IGFBP4: variants seen among roughly 807,000 people sequenced by gnomAD.
IGFBP4 encodes insulin like growth factor binding protein 4, also known as insulin-like growth factor-binding protein 4.
IGFBP4 carries 9 observed loss-of-function variants against 25.8 expected under a neutral mutation model. The observed-to-expected ratio is 0.35, with a 90% CI of 0.21 to 0.61. The LOEUF is 0.61. IGFBP4 is among the 20% of genes least tolerant of loss of function. The pLI, the probability that IGFBP4 is intolerant of heterozygous loss-of-function variation, is 0.77. For missense variants in IGFBP4, 315 were observed against 365.3 expected, an observed-to-expected ratio of 0.86 and a Z score of 1.12; for synonymous variants, 153 against 153.9, an observed-to-expected ratio of 0.99 and a Z score of 0.05.
Position 40,452,966 on chromosome 17 carries a change from T to TA in IGFBP4, c.350-18dup. 6.7e-7 allele frequency: 1 copy of TA among 1,491,118 alleles called. No homozygotes were observed. Among genetic ancestry groups the TA allele is most frequent in the South Asian group, 1.3e-5 (1 of 74,302 alleles). 92.4% of individuals were successfully genotyped at this position (1,491,118 alleles called of 1,614,324 possible). A position where few individuals can be genotyped will look rare whatever the true frequency, so the allele number is the denominator to read the frequency against. ...ACCTCTTCCGGTGCTGACCTCTCCT[T>TA]ATCGCTACCTGAATACAGACAAGGA... is the stretch of plus-strand genomic sequence containing the variant. On this transcript the variant is annotated intron_variant, in intron 1 of 3. Coordinates refer to ENST00000269593, the MANE Select transcript of IGFBP4 (RefSeq NM_001552.3).
In IGFBP4 at chr17:40,445,937, G is replaced by C. The variant is rs202221039; in HGVS notation, c.349+1853G>C. On this transcript the variant is annotated intron_variant, in intron 1 of 3. Coordinates refer to ENST00000269593, the MANE Select transcript of IGFBP4 (RefSeq NM_001552.3). ...GTAGGAATACCTCATCCTCTGGTTG[G>C]GTAGGAATACTCCATCCTGTAGTGG... 6.6e-5 allele frequency among the ~76,000 whole-genome samples: 10 copies of C among 152,152 alleles called. 1 individual carries two copies. The East Asian group carries it at 1.7e-3, about 26-fold the overall frequency.
chr17:40,454,131 A>G (rs1191099714), intron 3 of IGFBP4, 69 bp downstream of exon 3: 5 of 1,519,638 alleles, frequency 3.3e-6, no homozygotes, highest in Non-Finnish European at 4.4e-6. Flanking sequence ...TCTCCGCAGG[A>G]TGGTCCTGGA....
Position 40,456,679 on chromosome 17 carries a change from G to T in IGFBP4, c.*96G>T, listed in dbSNP as rs2035716552. 7.8e-7 allele frequency: 1 copy of T among 1,273,982 alleles called. No individual in the cohort carries two copies. The highest frequency in any genetic ancestry group is 1.1e-6 in the Non-Finnish European group (1 of 918,238). The allele number at this position is 1,273,982 out of a possible 1,614,324, so 78.9% of individuals were successfully genotyped here. Reference sequence around the variant, plus strand: ...AGAGTGGAGTCTGAGTCTGAGTCCTGTCTCTGCCTGCGGCCCAGAAGTTTC... The same window carrying T: ...AGAGTGGAGTCTGAGTCTGAGTCCTTTCTCTGCCTGCGGCCCAGAAGTTTC... On this transcript the variant is annotated 3_prime_UTR_variant, in exon 4 of 4. Coordinates refer to ENST00000269593, the MANE Select transcript of IGFBP4 (RefSeq NM_001552.3).
intron 1 of IGFBP4, among the ~76,000 whole-genome samples, chr17:40,452,011 A>G (rs1246670462): frequency 6.6e-6 from 1 of 151,692 alleles, no homozygotes; most frequent in Non-Finnish European, 1.5e-5. Flanking sequence ...TTAATTTTTA[A>G]ATTTTTTGTG....
intron 1 of IGFBP4, among the ~76,000 whole-genome samples, chr17:40,445,152 C>G (rs1386233405): frequency 6.6e-6 from 1 of 152,130 alleles, no homozygotes; most frequent in African/African-American, 2.4e-5. Context: ...GTTCTGTTTT[C>G]CTCAGTGTCT....
chr17:40,454,655 C>T (rs1416764757), intron 3 of IGFBP4, among the ~76,000 whole-genome samples: 1 of 152,198 alleles, frequency 6.6e-6, no homozygotes, highest in Non-Finnish European at 1.5e-5. Context: ...GACACAAAGG[C>T]AGCAACTTCC....
chr17:40,451,483 C>G (rs968358325), intron 1 of IGFBP4, among the ~76,000 whole-genome samples: 1 of 151,984 alleles, frequency 6.6e-6, no homozygotes, highest in Non-Finnish European at 1.5e-5. Context: ...CCAACCCCCC[C>G]AGCTTTGGCT....
At chr17:40,445,280 C>T (rs2035638148) in intron 1 of IGFBP4, among the ~76,000 whole-genome samples, 1 of 152,094 alleles carries the variant, frequency 6.6e-6, no homozygotes, top group South Asian at 2.1e-4. Flanking sequence ...TTGGTCTTTC[C>T]CTGTTACTTT....
chr17:40,456,677 C>A lies in IGFBP4; in HGVS notation c.*94C>A. On this transcript the variant is annotated 3_prime_UTR_variant, in exon 4 of 4. Transcript: ENST00000269593. ...CCAGAGTGGAGTCTGAGTCTGAGTC[C>A]TGTCTCTGCCTGCGGCCCAGAAGTT... 1.6e-6 allele frequency: 2 copies of A among 1,275,994 alleles called. No individual in the cohort carries two copies. Among genetic ancestry groups the A allele is most frequent in the Non-Finnish European group, 2.2e-6 (2 of 920,200 alleles). The allele number at this position is 1,275,994 out of a possible 1,614,324, so 79.0% of individuals were successfully genotyped here. A position where few individuals can be genotyped will look rare whatever the true frequency, so the allele number is the denominator to read the frequency against.
At chr17:40,447,070 T>G (rs1021622078) in intron 1 of IGFBP4, among the ~76,000 whole-genome samples, 6 of 152,238 alleles carry the variant, frequency 3.9e-5, no homozygotes, top group African/African-American at 2.4e-5. Context: ...CGAGGGTACC[T>G]GTCTATTTTT....
In IGFBP4 at chr17:40,444,099, G is replaced by T; in HGVS notation, c.349+15G>T. ...GCAGCCCTCTGGTAAGGTACCCCTG[G>T]CCTCCCAATTCCCTCCTGAGTGCGC... On this transcript the variant is annotated intron_variant, in intron 1 of 3. Coordinates refer to ENST00000269593, the MANE Select transcript of IGFBP4 (RefSeq NM_001552.3). 6 of 1,522,178 alleles carry T rather than the reference G, an allele frequency of 3.9e-6. No individual in the cohort carries two copies. The highest frequency in any genetic ancestry group is 5.3e-6 in the Non-Finnish European group (6 of 1,134,828). 94.3% of individuals were successfully genotyped at this position (1,522,178 alleles called of 1,614,324 possible).
intron 1 of IGFBP4, among the ~76,000 whole-genome samples, chr17:40,451,154 A>G (rs925762933): frequency 2.0e-5 from 3 of 152,106 alleles, no homozygotes; most frequent in Admixed American, 6.6e-5. Context: ...GTCTTGCTAT[A>G]GTGTCTTCTC....
intron 1 of IGFBP4, among the ~76,000 whole-genome samples, chr17:40,452,392 C>T (rs908095916): frequency 1.3e-5 from 2 of 152,206 alleles, no homozygotes; most frequent in South Asian, 4.1e-4. Context: ...CACACTCACT[C>T]TTCCTCATGC....
At chr17:40,447,326 A>G (rs779425075) in intron 1 of IGFBP4, among the ~76,000 whole-genome samples, 11 of 152,200 alleles carry the variant, frequency 7.2e-5, no homozygotes, top group Non-Finnish European at 1.5e-4. Context: ...TCAAAAGTCC[A>G]CACCTCTGCA....
chr17:40,455,253 A>G (rs2035707662), intron 3 of IGFBP4, among the ~76,000 whole-genome samples: 1 of 152,006 alleles, frequency 6.6e-6, no homozygotes, highest in Non-Finnish European at 1.5e-5. Flanking sequence ...AACGAATATT[A>G]GTATATTATT....
At chr17:40,455,606 C>T (rs2035709976) in intron 3 of IGFBP4, among the ~76,000 whole-genome samples, 1 of 152,016 alleles carries the variant, frequency 6.6e-6, no homozygotes, top group African/African-American at 2.4e-5. Context: ...CCTTAGCTCC[C>T]GAGTAGCTGG....
In IGFBP4 at chr17:40,443,862, G is replaced by C. The variant is rs1178695664; in HGVS notation, c.127G>C (p.Gly43Arg). ...EKLARCRPPV[G>R]CEELVREPGC... The stretch of plus-strand genomic sequence containing the variant: ...GCTGGCGCGCTGCCGCCCCCCCGTG[G>C]GCTGCGAGGAGCTGGTGCGAGAGCC... Residue 43 changes from glycine (G) to arginine (R), a missense_variant, in exon 1 of 4, where the codon GGC becomes CGC. Coordinates refer to ENST00000269593, the MANE Select transcript of IGFBP4 (RefSeq NM_001552.3). 1 of 1,531,628 alleles carries C rather than the reference G, an allele frequency of 6.5e-7. No homozygotes were observed. The highest frequency in any genetic ancestry group is 8.7e-7 in the Non-Finnish European group (1 of 1,145,244). 94.9% of individuals were successfully genotyped at this position (1,531,628 alleles called of 1,614,324 possible).
chr17:40,443,853 C>T lies in IGFBP4; in HGVS notation c.118C>T (p.Pro40Ser), dbSNP rs578013057. The change falls in exon 1 of 4, where the codon CCC (proline) becomes TCC (serine). Residue 40 changes from proline (P) to serine (S), a missense_variant. Pro to Ser is a moderately conservative substitution (Grantham distance 74). Transcript: ENST00000269593. The stretch of plus-strand genomic sequence containing the variant: ...CGAGGAGAAGCTGGCGCGCTGCCGC[C>T]CCCCCGTGGGCTGCGAGGAGCTGGT... The part of the protein sequence containing the change: ...CSEEKLARCR[P>S]PVGCEELVRE... 3 of 1,531,830 alleles carry T rather than the reference C, an allele frequency of 2.0e-6. No individual in the cohort carries two copies. Among genetic ancestry groups the T allele is most frequent in the Non-Finnish European group, 2.6e-6 (3 of 1,145,472 alleles). 94.9% of individuals were successfully genotyped at this position (1,531,830 alleles called of 1,614,324 possible).
At chr17:40,444,916 CACACACACACAGAGACAGAGAGAGAG>C (rs1354792390) in intron 1 of IGFBP4, among the ~76,000 whole-genome samples, 15 of 84,742 alleles carry the variant, frequency 1.8e-4, no homozygotes, top group African/African-American at 6.8e-4. Context: ...CACACACACA[CACACACACACAGAGACAGAGAGAGAG>C]AGAGAGAGAG....
Sources: allele counts gnomAD v4.1 joint callset (sites outside exome capture counted in the v4.1 genomes callset), GRCh38; gene constraint gnomAD v4.1.1; transcripts MANE v1.5; gene names NCBI Gene and HGNC (gene_info 2026-07-23, HGNC 2026-07-21).